Variants in DMD observed in about 807,000 individuals in gnomAD.
DMD encodes mutant dystrophin.
A neutral mutation model predicts 330.1 loss-of-function variants in DMD; 63 were observed. The observed-to-expected ratio is 0.19, with a 90% confidence interval of 0.16 to 0.24. The LOEUF is 0.24. Among genes scored for constraint, DMD ranks in the 10% least tolerant of loss-of-function variants. The pLI is 1.00. For missense variants in DMD, 3,344 were observed against 2,684.1 expected (o/e 1.25, Z -5.43); for synonymous variants, 1,223 against 959.8 (o/e 1.27, Z -5.07).
chrX:32,523,941 T>A (rs986628775), intron 17 of DMD, among the ~76,000 whole-genome samples: 3 of 106,293 alleles, frequency 2.8e-5, no homozygotes, highest in African/African-American at 1.0e-4. Context: ...TCTTTTTTTT[T>A]TTTTTTTTTG....
chrX:31,891,767 C>T (rs1365916625), intron 47 of DMD, among the ~76,000 whole-genome samples: 1 of 111,535 alleles, frequency 9.0e-6, no homozygotes, highest in Non-Finnish European at 1.9e-5. Context: ...AGAAAGTTTG[C>T]TGACCTCTGC....
intron 52 of DMD, among the ~76,000 whole-genome samples, chrX:31,703,679 T>C (rs1016220866): frequency 9.8e-5 from 11 of 111,825 alleles, no homozygotes; most frequent in Admixed American, 3.8e-4. Flanking sequence ...ATTTAGTCAA[T>C]GCTATGAAAA....
intron 44 of DMD, among the ~76,000 whole-genome samples, chrX:32,045,810 T>G (rs181824500): frequency 1.6e-3 from 175 of 112,327 alleles, no homozygotes; most frequent in African/African-American, 5.0e-3. Flanking sequence ...GTTACCAGAG[T>G]GATATATTTG....
intron 1 of DMD, among the ~76,000 whole-genome samples, chrX:33,039,835 C>T (rs1008377091): frequency 3.6e-5 from 4 of 110,683 alleles, no homozygotes; most frequent in Non-Finnish European, 7.5e-5. Context: ...AAGAACGTTG[C>T]TCCACCCAAT....
rs138170605 is a variant in DMD, at chrX:31,415,601, G to A, written c.9084+28880C>T. On this transcript the variant is annotated intron_variant, in intron 60 of 78. Transcript: ENST00000357033. ...AGGAGTCCTTTTCTCACTCATCATC[G>A]TAGCCAAAGTCTCATGAGACAAGGC... Among the ~76,000 whole-genome samples, 415 of 111,686 alleles carry A rather than the reference G, an allele frequency of 3.7e-3. 2 individuals carry two copies. Among genetic ancestry groups the A allele is most frequent in the African/African-American group, 0.013 (389 of 30,791 alleles).
chrX:31,971,944 CAT>C (rs1181933798), intron 44 of DMD, among the ~76,000 whole-genome samples: 1 of 111,583 alleles, frequency 9.0e-6, no homozygotes, highest in Admixed American at 9.5e-5. Flanking sequence ...GATTATTCAT[CAT>C]AGTTAGAAAG....
At chrX:32,741,061 A>G (rs1387288616) in intron 7 of DMD, among the ~76,000 whole-genome samples, 1 of 111,725 alleles carries the variant, frequency 9.0e-6, no homozygotes. Context: ...TAACCTTTAG[A>G]AAATAAGTGA....
intron 52 of DMD, among the ~76,000 whole-genome samples, chrX:31,684,232 T>A (rs1188219480): frequency 1.8e-5 from 2 of 111,817 alleles, no homozygotes; most frequent in Admixed American, 1.9e-4. Flanking sequence ...CAACCATAGA[T>A]CATTATAAGA....
At chrX:32,956,894 C>T (rs2091626203) in intron 2 of DMD, among the ~76,000 whole-genome samples, 1 of 111,763 alleles carries the variant, frequency 8.9e-6, no homozygotes, top group Non-Finnish European at 1.9e-5. Context: ...GGCCATCTCT[C>T]ACTGTTACAA....
chrX:31,215,857 C>A (rs2045354250), intron 64 of DMD, among the ~76,000 whole-genome samples: 1 of 112,496 alleles, frequency 8.9e-6, no homozygotes, highest in Non-Finnish European at 1.9e-5. Context: ...GGTGGGCCTA[C>A]TTTCCTGAGA....
intron 43 of DMD, among the ~76,000 whole-genome samples, chrX:32,220,084 C>T (rs2097127240): frequency 9.0e-6 from 1 of 111,569 alleles, no homozygotes; most frequent in Admixed American, 9.5e-5. Context: ...GGGAACAGGC[C>T]TTCCACTTAC....
intron 76 of DMD, among the ~76,000 whole-genome samples, chrX:31,134,713 G>A (rs1300447627): frequency 2.7e-5 from 3 of 112,138 alleles, no homozygotes; most frequent in Non-Finnish European, 5.6e-5. Flanking sequence ...GAGCCAACAC[G>A]CCCAGCCTAC....
intron 62 of DMD, among the ~76,000 whole-genome samples, chrX:31,286,253 T>C (rs1032609224): frequency 8.9e-6 from 1 of 112,099 alleles, no homozygotes. Flanking sequence ...TGTGCTCTTA[T>C]GTTTAAGCCA....
At chrX:32,956,822 C>T (rs747636533) in intron 2 of DMD, among the ~76,000 whole-genome samples, 5 of 111,093 alleles carry the variant, frequency 4.5e-5, no homozygotes, top group African/African-American at 6.5e-5. Context: ...AGACATGAAG[C>T]CCCTGCCCAC....
intron 42 of DMD, among the ~76,000 whole-genome samples, chrX:32,290,471 G>A (rs1232660257): frequency 8.9e-6 from 1 of 112,183 alleles, no homozygotes; most frequent in Non-Finnish European, 1.9e-5. Flanking sequence ...TGAATAGATG[G>A]TCCCATAAAT....
At chrX:32,112,643 G>A (rs1388325977) in intron 44 of DMD, among the ~76,000 whole-genome samples, 1 of 112,001 alleles carries the variant, frequency 8.9e-6, no homozygotes. Flanking sequence ...CTGGGCTTTA[G>A]CTTTTAGAAA....
chrX:32,324,561 T>C (rs370333445), intron 41 of DMD, among the ~76,000 whole-genome samples: 1 of 111,661 alleles, frequency 9.0e-6, no homozygotes, highest in Admixed American at 9.5e-5. Flanking sequence ...CAGAGAACCA[T>C]TGTAATGACA....
rs770059014 is a variant in DMD at position 31,137,874 on chromosome X, G to A, written c.10922-3680C>T. Among the ~76,000 whole-genome samples the A allele has an allele frequency of 1.4e-4, 16 of 111,334 alleles. 1 individual carries two copies. Among genetic ancestry groups the A allele is most frequent in the Middle Eastern group, 4.7e-3 (1 of 214 alleles). ...GAGCAAAAGCTTTAAGAACTGGAGG[G>A]TATGAGTTGCACAAGTATTTGAGGG... On this transcript the variant is annotated intron_variant, in intron 76 of 78. Transcript: ENST00000357033.
At chrX:32,129,227 T>A (rs913413636) in intron 44 of DMD, among the ~76,000 whole-genome samples, 3 of 112,028 alleles carry the variant, frequency 2.7e-5, no homozygotes, top group Admixed American at 1.9e-4. Context: ...CTGACAATCC[T>A]CAAATTTTGT....
Sources: allele counts gnomAD v4.1 joint callset (sites outside exome capture counted in the v4.1 genomes callset), GRCh38; gene constraint gnomAD v4.1.1; transcripts MANE v1.5; gene names NCBI Gene and HGNC (gene_info 2026-07-23, HGNC 2026-07-21).